SLC35F3: variants seen among roughly 807,000 people sequenced by gnomAD.
SLC35F3 encodes solute carrier family 35 member F3.
In SLC35F3, 25 loss-of-function variants were observed where a neutral mutation model predicts 49.9. The observed-to-expected ratio is 0.50, with a 90% CI of 0.37 to 0.70. The LOEUF (loss-of-function observed/expected upper bound fraction) is 0.70. SLC35F3 is among the 30% of genes least tolerant of loss of function. SLC35F3 has a pLI of 0.00. For synonymous variants in SLC35F3, 275 were observed against 265.4 expected (o/e 1.04, Z -0.35); for missense variants, 525 against 639.8 (o/e 0.82, Z 1.94).
intron 3 of SLC35F3, among the ~76,000 whole-genome samples, chr1:234,256,996 T>C (rs1448023455): frequency 2.6e-5 from 4 of 152,254 alleles, no homozygotes; most frequent in Non-Finnish European, 4.4e-5. Context: ...CTTCAGTTGA[T>C]ACAATAATAG....
At chr1:233,920,685 T>A (rs6661234) in intron 2 of SLC35F3, among the ~76,000 whole-genome samples, 1 of 152,238 alleles carries the variant, frequency 6.6e-6, no homozygotes, top group Non-Finnish European at 1.5e-5. Flanking sequence ...TGTGGAATTG[T>A]GTTATGTTAC....
chr1:234,083,039 C>T (rs1664904577), intron 2 of SLC35F3, among the ~76,000 whole-genome samples: 1 of 152,170 alleles, frequency 6.6e-6, no homozygotes, highest in African/African-American at 2.4e-5. Context: ...TGCTCAATTA[C>T]CTGTTATACT....
intron 2 of SLC35F3, among the ~76,000 whole-genome samples, chr1:233,953,957 C>A (rs1371694950): frequency 6.6e-6 from 1 of 151,826 alleles, no homozygotes; most frequent in African/African-American, 2.4e-5. Flanking sequence ...AGGCCCATTT[C>A]ACTTCTTCAG....
chr1:234,090,625 T>C (rs1233380758), intron 2 of SLC35F3, among the ~76,000 whole-genome samples: 1 of 152,166 alleles, frequency 6.6e-6, no homozygotes, highest in African/African-American at 2.4e-5. Flanking sequence ...ACATGGCTCT[T>C]CTTAAGACCC....
intron 3 of SLC35F3, among the ~76,000 whole-genome samples, chr1:234,272,108 A>G (rs1420836138): frequency 6.6e-6 from 1 of 152,202 alleles, no homozygotes; most frequent in Non-Finnish European, 1.5e-5. Flanking sequence ...CCTGGGCAAC[A>G]GAGCGAGACT....
chr1:234,132,924 C>G (rs140017351), intron 2 of SLC35F3, among the ~76,000 whole-genome samples: 2 of 152,202 alleles, frequency 1.3e-5, no homozygotes, highest in Non-Finnish European at 2.9e-5. Context: ...TGACTCTGTG[C>G]TGGACACTGT....
intron 2 of SLC35F3, among the ~76,000 whole-genome samples, chr1:234,222,866 A>G (rs932892740): frequency 6.6e-6 from 1 of 152,220 alleles, no homozygotes; most frequent in Non-Finnish European, 1.5e-5. Context: ...CATTAGCAGC[A>G]CCAAAACATC....
chr1:234,017,646 G>A (rs1314910607), intron 2 of SLC35F3, among the ~76,000 whole-genome samples: 1 of 149,668 alleles, frequency 6.7e-6, no homozygotes, highest in African/African-American at 2.5e-5. Flanking sequence ...CCCATGAGGC[G>A]GAGCTTGCAG....
intron 3 of SLC35F3, among the ~76,000 whole-genome samples, chr1:234,308,806 G>A (rs2102993693): frequency 6.6e-6 from 1 of 151,400 alleles, no homozygotes; most frequent in South Asian, 2.1e-4. Context: ...CATAGAATTA[G>A]GCCTTCGGGT....
At chr1:233,915,958 C>T (rs1363027082) in intron 2 of SLC35F3, among the ~76,000 whole-genome samples, 5 of 152,176 alleles carry the variant, frequency 3.3e-5, no homozygotes, top group African/African-American at 4.8e-5. Context: ...CACAGCCAAA[C>T]CAGATCAGTA....
At chr1:234,234,993 G>A (rs1050308914) in intron 3 of SLC35F3, among the ~76,000 whole-genome samples, 4 of 152,124 alleles carry the variant, frequency 2.6e-5, no homozygotes, top group African/African-American at 9.7e-5. Flanking sequence ...CCTTGTGGTG[G>A]CCAATTTAAA....
intron 2 of SLC35F3, among the ~76,000 whole-genome samples, chr1:234,142,921 T>C (rs1228669272): frequency 6.6e-6 from 1 of 152,234 alleles, no homozygotes; most frequent in Non-Finnish European, 1.5e-5. Flanking sequence ...ATTTTATTTA[T>C]CATTTTTAAT....
intron 2 of SLC35F3, among the ~76,000 whole-genome samples, chr1:233,956,543 A>G (rs1558189002): frequency 1.3e-5 from 2 of 152,114 alleles, no homozygotes; most frequent in African/African-American, 2.4e-5. Context: ...TCCCCTATGG[A>G]AGAGTAGAGT....
Position 234,193,141 on chromosome 1 carries a change from G to C in SLC35F3, c.284-38276G>C, listed in dbSNP as rs570900563. On this transcript the variant is annotated intron_variant, in intron 2 of 7. Transcript: ENST00000366618. ...AAAAGAGCTCACATAGCCAAAGCAA[G>C]ACTAAGCAAAAAGAGCAAATCTAGA... Among the ~76,000 whole-genome samples the C allele has an allele frequency of 4.1e-4, 62 of 152,142 alleles. No individual in the cohort carries two copies. The South Asian group carries it at 9.6e-3, about 23-fold the overall frequency.
chr1:234,096,322 C>G (rs534694746), intron 2 of SLC35F3, among the ~76,000 whole-genome samples: 1 of 152,310 alleles, frequency 6.6e-6, no homozygotes, highest in South Asian at 2.1e-4. Context: ...GCCCGCTTCT[C>G]CCTCCGTTTG....
At chr1:234,309,022 A>G (rs1657282580) in intron 3 of SLC35F3, 79 bp from the exon 4 acceptor site, 4 of 1,275,444 alleles carry the variant, frequency 3.1e-6, no homozygotes, top group South Asian at 1.4e-5. Flanking sequence ...GCTTAAAAAA[A>G]AAAAAACTTG....
At chr1:233,926,237 C>T (rs150309611) in intron 2 of SLC35F3, among the ~76,000 whole-genome samples, 1,621 of 152,258 alleles carry the variant, frequency 0.011, 27 homozygotes, top group African/African-American at 0.037. Flanking sequence ...TTTTCCAACT[C>T]GGTTCCATTC....
rs1375829943 is a variant in SLC35F3 at position 234,323,473 on chromosome 1, G to C, written c.*230G>C. 1 of 553,442 alleles carries C rather than the reference G, an allele frequency of 1.8e-6. No homozygotes were observed. The highest frequency in any genetic ancestry group is 1.9e-5 in the African/African-American group (1 of 53,144). 34.3% of individuals were successfully genotyped at this position (553,442 alleles called of 1,614,324 possible). A position where few individuals can be genotyped will look rare whatever the true frequency, so the allele number is the denominator to read the frequency against. ...AAGAACCTCTCAGTGCTTTTCCAACGAATGTAAAGTGGGTTTAAAAGTTCC... is the reference window on the plus strand; with the variant it reads ...AAGAACCTCTCAGTGCTTTTCCAACCAATGTAAAGTGGGTTTAAAAGTTCC... On this transcript the variant is annotated 3_prime_UTR_variant, in exon 8 of 8. Coordinates refer to ENST00000366618, the MANE Select transcript of SLC35F3 (RefSeq NM_173508.4). This position sits in a 1 kb window ranked among gnomAD's most constrained non-coding sequence, Gnocchi z 4.5.
intron 2 of SLC35F3, among the ~76,000 whole-genome samples, chr1:233,963,430 A>G (rs1662839783): frequency 6.6e-6 from 1 of 151,700 alleles, no homozygotes; most frequent in Non-Finnish European, 1.5e-5. Flanking sequence ...CCTCCCAAGT[A>G]GCTGGTACTA....
Sources: gnomAD v4.1 joint callset for allele counts (sites outside exome capture counted in the v4.1 genomes callset) on GRCh38, gnomAD v4.1.1 for gene constraint, Gnocchi (gnomAD v3.1) non-coding constraint, MANE v1.5 for transcripts, NCBI Gene and HGNC (gene_info 2026-07-23, HGNC 2026-07-21) for gene names.